PIR: variants seen among roughly 807,000 people sequenced by gnomAD.
PIR encodes pirin (iron-binding nuclear protein).
PIR carries 22 observed loss-of-function variants against 24.2 expected under a neutral mutation model. The observed-to-expected ratio is 0.91, with a 90% CI of 0.65 to 1.30. The LOEUF is 1.30. PIR is among the 50% of genes most tolerant of loss of function. The pLI, the probability that PIR is intolerant of heterozygous loss-of-function variation, is 0.00. For missense variants in PIR, 220 were observed against 220.3 expected (o/e 1.00, Z 0.01); for synonymous variants, 80 against 79.6 (o/e 1.00, Z -0.03).
chrX:15,445,936 T>C (rs768352947), intron 5 of PIR, among the ~76,000 whole-genome samples: 1 of 102,955 alleles, frequency 9.7e-6, no homozygotes, highest in South Asian at 4.7e-4. Context: ...TTCACGCCAT[T>C]CTCCTGCCTC....
At chrX:15,477,025 T>C (rs1007866484) in intron 3 of PIR, among the ~76,000 whole-genome samples, 1 of 112,104 alleles carries the variant, frequency 8.9e-6, no homozygotes, top group African/African-American at 3.2e-5. Context: ...AAAAAAGTAC[T>C]GAATGAAAAT....
rs763505997 is a variant in PIR, at chrX:15,391,659, T to A, written c.694-1408A>T. On this transcript the variant is annotated intron_variant, in intron 8 of 9. Transcript: ENST00000380420. ...TTACATATGTACTTAGATACACTTC[T>A]ATGTGGTGTTTTGTGCCCTGGTAAC... Among the ~76,000 whole-genome samples, 120 of 112,059 alleles carry A rather than the reference T, an allele frequency of 1.1e-3. 1 individual carries two copies. The highest frequency in any genetic ancestry group is 3.8e-3 in the African/African-American group (117 of 30,881).
intron 5 of PIR, among the ~76,000 whole-genome samples, chrX:15,434,070 A>AAGGAGGAGGAAGGAGAAAGG (rs1412155593): frequency 1.7e-5 from 1 of 57,617 alleles, no homozygotes; most frequent in African/African-American, 7.0e-5. Context: ...AAGGAGAAAG[A>AAGGAGGAGGAAGGAGAAAGG]AGGAGGAGGA....
chrX:15,463,197 C>T (rs1384350625), intron 3 of PIR, among the ~76,000 whole-genome samples: 1 of 107,599 alleles, frequency 9.3e-6, no homozygotes, highest in Non-Finnish European at 2.0e-5. Flanking sequence ...TATTCAGAAG[C>T]CCACCTGCCC....
intron 7 of PIR, among the ~76,000 whole-genome samples, chrX:15,404,125 G>A (rs1230065502): frequency 9.1e-6 from 1 of 109,317 alleles, no homozygotes; most frequent in African/African-American, 3.3e-5. Context: ...TCGGCCTCCC[G>A]TGTAGCTGGA....
rs183987311 is a variant in PIR, at chrX:15,396,962, G to T, written c.693+487C>A. On this transcript the variant is annotated intron_variant, in intron 8 of 9. Coordinates refer to ENST00000380420, the MANE Select transcript of PIR (RefSeq NM_001018109.3). ...TCACCGTGTTAGCCAGGATGGTCTC[G>T]ATTTCCTGACATCGTGATCCGCCCG... 1.1e-4 allele frequency among the ~76,000 whole-genome samples: 12 copies of T among 111,469 alleles called. No homozygotes were observed. In the East Asian group the frequency reaches 2.8e-3, roughly 26 times the overall value.
intron 7 of PIR, among the ~76,000 whole-genome samples, chrX:15,399,838 CTT>C (rs1409720831): frequency 1.8e-5 from 2 of 111,452 alleles, no homozygotes; most frequent in African/African-American, 6.5e-5. Flanking sequence ...ACTGCACTGA[CTT>C]TAAAAACATT....
chrX:15,476,203 GAAT>G (rs1282394583), intron 3 of PIR, among the ~76,000 whole-genome samples: 2 of 112,030 alleles, frequency 1.8e-5, no homozygotes, highest in Non-Finnish European at 3.8e-5. Flanking sequence ...GAATTTTATA[GAAT>G]AATATTTTCC....
At chrX:15,477,022 T>G (rs1026066770) in intron 3 of PIR, among the ~76,000 whole-genome samples, 2 of 111,882 alleles carry the variant, frequency 1.8e-5, no homozygotes, top group East Asian at 5.5e-4. Context: ...AGAAAAAAAG[T>G]ACTGAATGAA....
chrX:15,459,177 C>A lies in PIR; in HGVS notation c.273+480G>T, dbSNP rs150541927. Among the ~76,000 whole-genome samples the A allele has an allele frequency of 2.4e-3, 271 of 111,555 alleles. 7 individuals are homozygous for A. The highest frequency in any genetic ancestry group is 9.8e-4 in the Non-Finnish European group (52 of 53,145). ...ATTGTCTTAAGTGATAACACCTAAC[C>A]CTGCAAATGAGTTGGAAGATAAATA... On this transcript the variant is annotated intron_variant, in intron 4 of 9. Transcript: ENST00000380420.
intron 3 of PIR, among the ~76,000 whole-genome samples, chrX:15,460,674 A>C (rs1230528465): frequency 8.9e-6 from 1 of 111,808 alleles, no homozygotes; most frequent in East Asian, 2.8e-4. Context: ...TATACACTTA[A>C]AATTTCCTAA....
intron 6 of PIR, among the ~76,000 whole-genome samples, chrX:15,409,092 TCC>T (rs1924640260): frequency 1.2e-5 from 1 of 86,434 alleles, no homozygotes; most frequent in Admixed American, 1.3e-4. Flanking sequence ...CTCGTTTTTC[TCC>T]CTTTTTTTTT....
At chrX:15,394,767 G>T (rs1924071402) in intron 8 of PIR, among the ~76,000 whole-genome samples, 1 of 112,014 alleles carries the variant, frequency 8.9e-6, no homozygotes, top group Non-Finnish European at 1.9e-5. Flanking sequence ...AATGTCCAGA[G>T]TAGTCTGGAG....
At chrX:15,466,990 T>C (rs2147068162) in intron 3 of PIR, among the ~76,000 whole-genome samples, 1 of 112,605 alleles carries the variant, frequency 8.9e-6, no homozygotes, top group East Asian at 2.8e-4. Context: ...CTGTCTTCAT[T>C]AAGAGAATGT....
chrX:15,406,902 C>T (rs1924565106), intron 7 of PIR, among the ~76,000 whole-genome samples: 1 of 112,244 alleles, frequency 8.9e-6, no homozygotes. Context: ...GCGTGGAGAG[C>T]AGGATTGAGG....
chrX:15,412,262 C>G lies in PIR; in HGVS notation c.566-4712G>C, dbSNP rs73449351. The stretch of plus-strand genomic sequence containing the variant: ...ATGTCTAATCTTCTTTCATTTGAAA[C>G]AGTTCCTCAGTCTTTTTCTTTCATT... On this transcript the variant is annotated intron_variant, in intron 6 of 9. Coordinates refer to ENST00000380420, the MANE Select transcript of PIR (RefSeq NM_001018109.3). Among the ~76,000 whole-genome samples the G allele has an allele frequency of 1.5e-3, 165 of 111,710 alleles. 1 individual carries two copies. The highest frequency in any genetic ancestry group is 5.2e-3 in the African/African-American group (160 of 30,564).
chrX:15,416,571 C>T (rs373966394), intron 6 of PIR, among the ~76,000 whole-genome samples: 1 of 111,911 alleles, frequency 8.9e-6, no homozygotes, highest in African/African-American at 3.2e-5. Context: ...GACTCTAAGA[C>T]GTCTGCCTGA....
intron 3 of PIR, among the ~76,000 whole-genome samples, chrX:15,472,738 G>A (rs906467871): frequency 8.9e-6 from 1 of 112,377 alleles, no homozygotes; most frequent in Admixed American, 9.4e-5. Flanking sequence ...GGAATCAGCA[G>A]TGATGGTTGT....
At chrX:15,417,300 G>A (rs1259247289) in intron 6 of PIR, among the ~76,000 whole-genome samples, 1 of 112,450 alleles carries the variant, frequency 8.9e-6, no homozygotes, top group African/African-American at 3.2e-5. Context: ...TAAGTTGAGA[G>A]ACATTGCAAG....
Sources: allele counts gnomAD v4.1 joint callset (sites outside exome capture counted in the v4.1 genomes callset), GRCh38; gene constraint gnomAD v4.1.1; transcripts MANE v1.5; gene names NCBI Gene and HGNC (gene_info 2026-07-23, HGNC 2026-07-21).